JAM2: variants seen among roughly 807,000 people sequenced by gnomAD.
JAM2 encodes junctional adhesion molecule B.
In JAM2, 17 loss-of-function variants were observed where a neutral mutation model predicts 42.0. The ratio of observed to expected loss-of-function variants is 0.40; its 90% CI spans 0.28 to 0.61. The LOEUF (loss-of-function observed/expected upper bound fraction) is 0.61, where lower values mean the gene tolerates loss of function less well. Ranked by LOEUF, JAM2 falls within the 20% of genes least tolerant of loss-of-function variation. The pLI, the probability that JAM2 is intolerant of heterozygous loss-of-function variation, is 0.37. For synonymous variants in JAM2, 118 were observed against 128.6 expected, an observed-to-expected ratio of 0.92 and a Z score of 0.56; for missense variants, 319 against 358.3, an observed-to-expected ratio of 0.89 and a Z score of 0.89.
intron 1 of JAM2, among the ~76,000 whole-genome samples, chr21:25,679,252 T>C (rs745713031): frequency 6.6e-6 from 1 of 152,232 alleles, no homozygotes; most frequent in Non-Finnish European, 1.5e-5. Context: ...ATATGAAAGA[T>C]TTCTCTCTCC....
At chr21:25,661,216 G>A (rs2033080224) in intron 1 of JAM2, among the ~76,000 whole-genome samples, 1 of 152,144 alleles carries the variant, frequency 6.6e-6, no homozygotes, top group African/African-American at 2.4e-5. Flanking sequence ...ACTTTGGGAG[G>A]TGGAGACAGA....
chr21:25,708,948 T>TTTA (rs2034327511), intron 7 of JAM2, among the ~76,000 whole-genome samples: 1 of 152,188 alleles, frequency 6.6e-6, no homozygotes, highest in Non-Finnish European at 1.5e-5. Flanking sequence ...GACTACTATC[T>TTTA]GTGGACCAAA....
chr21:25,646,623 T>C (rs972955817), intron 1 of JAM2, among the ~76,000 whole-genome samples: 3 of 151,844 alleles, frequency 2.0e-5, no homozygotes, highest in Non-Finnish European at 4.4e-5. Flanking sequence ...GATGGATGGA[T>C]GTGTGCTCAG....
chr21:25,669,371 C>CAAAAAAAAG (rs747317467), intron 1 of JAM2, among the ~76,000 whole-genome samples: 1 of 132,190 alleles, frequency 7.6e-6, no homozygotes, highest in Non-Finnish European at 1.6e-5. Flanking sequence ...AACCCTGTCT[C>CAAAAAAAAG]AAAAAAAAGA....
intron 1 of JAM2, among the ~76,000 whole-genome samples, chr21:25,665,795 C>G (rs1216226480): frequency 6.6e-6 from 1 of 152,094 alleles, no homozygotes; most frequent in African/African-American, 2.4e-5. Context: ...AATCCCAGCA[C>G]TTTGGGAGGC....
chr21:25,655,583 C>G (rs1173394753), intron 1 of JAM2, among the ~76,000 whole-genome samples: 1 of 147,538 alleles, frequency 6.8e-6, no homozygotes, highest in African/African-American at 2.5e-5. Context: ...CGGGCTCAAG[C>G]GATTCTCCTC....
intron 1 of JAM2, among the ~76,000 whole-genome samples, chr21:25,680,791 G>A (rs2033611950): frequency 6.7e-6 from 1 of 148,276 alleles, no homozygotes; most frequent in Non-Finnish European, 1.5e-5. Flanking sequence ...TGGATGGATG[G>A]ATGACGATCG....
intron 6 of JAM2, among the ~76,000 whole-genome samples, chr21:25,705,198 G>A (rs551933838): frequency 2.0e-5 from 3 of 152,190 alleles, no homozygotes; most frequent in East Asian, 1.9e-4. Context: ...AAGAAGGAAC[G>A]TATTTCTTAC....
In JAM2 at chr21:25,639,661, A is replaced by G; in HGVS notation, c.-161A>G. Reference sequence around the variant, plus strand: ...AGCCAGCTGAGAAGGCGCCCCGGGGAGGGGGAAACTGACATCCCATCTAGA... The same window carrying G: ...AGCCAGCTGAGAAGGCGCCCCGGGGGGGGGGAAACTGACATCCCATCTAGA... On this transcript the variant is annotated 5_prime_UTR_variant, in exon 1 of 10. Transcript: ENST00000480456. 2.0e-6 allele frequency: 1 copy of G among 508,678 alleles called. No homozygotes were observed. The highest frequency in any genetic ancestry group is 3.7e-5 in the Admixed American group (1 of 27,268). 31.5% of individuals were successfully genotyped at this position (508,678 alleles called of 1,614,324 possible). A position where few individuals can be genotyped will look rare whatever the true frequency, so the allele number is the denominator to read the frequency against.
chr21:25,694,710 T>C (rs1486697531), intron 4 of JAM2, among the ~76,000 whole-genome samples: 1 of 152,024 alleles, frequency 6.6e-6, no homozygotes, highest in East Asian at 1.9e-4. Flanking sequence ...TGTGTTGTTA[T>C]GCACCTGTAG....
At position 25,694,845 on chromosome 21, in the gene JAM2, A is replaced by T. The variant is rs959616288; in HGVS notation, c.394+937A>T. Among the ~76,000 whole-genome samples, 27 of 148,676 alleles carry T rather than the reference A, an allele frequency of 1.8e-4. No individual in the cohort carries two copies. In the South Asian group the frequency reaches 3.1e-3, roughly 17 times the overall value. On this transcript the variant is annotated intron_variant, in intron 4 of 9. Coordinates refer to ENST00000480456, the MANE Select transcript of JAM2 (RefSeq NM_021219.4). ...ACAGCAGGACTTTCTCAAAAAAAAA[A>T]AAAATAAAAAGAATCACTGATAGTA...
intron 1 of JAM2, among the ~76,000 whole-genome samples, chr21:25,656,095 G>A (rs955828632): frequency 1.1e-4 from 16 of 151,524 alleles, no homozygotes; most frequent in Non-Finnish European, 1.5e-4. Flanking sequence ...TTTTGAAAGG[G>A]ACTTTAATAT....
At chr21:25,698,307 ATTG>A (rs2034085224) in intron 4 of JAM2, among the ~76,000 whole-genome samples, 1 of 152,206 alleles carries the variant, frequency 6.6e-6, no homozygotes. Context: ...CAAGGTCACC[ATTG>A]TTGTTGACAC....
intron 1 of JAM2, among the ~76,000 whole-genome samples, chr21:25,674,592 A>G (rs2033439408): frequency 6.6e-6 from 1 of 152,096 alleles, no homozygotes; most frequent in African/African-American, 2.4e-5. Flanking sequence ...TAAACTGACC[A>G]GGACATCAGC....
intron 3 of JAM2, among the ~76,000 whole-genome samples, chr21:25,690,930 T>A (rs931114336): frequency 6.6e-6 from 1 of 152,206 alleles, no homozygotes; most frequent in Non-Finnish European, 1.5e-5. Flanking sequence ...TAATGATGGA[T>A]GAACTGTTAT....
chr21:25,693,719 G>T (rs777843760), intron 3 of JAM2, 37 bp from the exon 4 acceptor site: 1 of 1,565,900 alleles, frequency 6.4e-7, no homozygotes, highest in Non-Finnish European at 8.8e-7. Context: ...AAGCTACTTG[G>T]ATTATTACTA....
chr21:25,640,720 C>T (rs561500714), intron 1 of JAM2, among the ~76,000 whole-genome samples: 8 of 152,348 alleles, frequency 5.3e-5, no homozygotes, highest in Non-Finnish European at 1.2e-4. Flanking sequence ...CTAAGCAATG[C>T]AGTTCTACTT....
chr21:25,687,833 T>A (rs2033783762), intron 2 of JAM2, among the ~76,000 whole-genome samples: 1 of 152,164 alleles, frequency 6.6e-6, no homozygotes, highest in Admixed American at 6.5e-5. Context: ...TGGCTACTGT[T>A]TTTCAAAAAT....
chr21:25,666,017 G>T (rs144320913), intron 1 of JAM2, among the ~76,000 whole-genome samples: 9 of 152,028 alleles, frequency 5.9e-5, no homozygotes, highest in African/African-American at 1.9e-4. Flanking sequence ...TCCAGCCCGG[G>T]TGATAGAGTG....
Sources: allele counts gnomAD v4.1 joint callset (sites outside exome capture counted in the v4.1 genomes callset), GRCh38; gene constraint gnomAD v4.1.1; transcripts MANE v1.5; gene names NCBI Gene and HGNC (gene_info 2026-07-23, HGNC 2026-07-21).